INPP4A: variants seen among roughly 807,000 people sequenced by gnomAD.
INPP4A encodes inositol polyphosphate-4-phosphatase, type I, 107kD.
INPP4A carries 33 observed loss-of-function variants against 119.8 expected under a neutral mutation model. That is an observed-to-expected ratio of 0.28 (90% CI 0.21 to 0.37). The LOEUF (loss-of-function observed/expected upper bound fraction) is 0.37, where lower values mean the gene tolerates loss of function less well. INPP4A is among the 10% of genes least tolerant of loss of function. The pLI is 1.00. For synonymous variants in INPP4A, 496 were observed against 500.7 expected, an observed-to-expected ratio of 0.99 and a Z score of 0.12; for missense variants, 956 against 1,289.9, an observed-to-expected ratio of 0.74 and a Z score of 3.97.
At chr2:98,550,918 G>A (rs1413268268) in intron 13 of INPP4A, among the ~76,000 whole-genome samples, 1 of 151,870 alleles carries the variant, frequency 6.6e-6, no homozygotes, top group Admixed American at 6.6e-5. Flanking sequence ...TTTTATATAT[G>A]TACTCTAAAT....
intron 1 of INPP4A, among the ~76,000 whole-genome samples, chr2:98,510,280 G>A (rs1574832019): frequency 6.6e-6 from 1 of 152,278 alleles, no homozygotes; most frequent in East Asian, 1.9e-4. Flanking sequence ...GCAAGTGGAA[G>A]GACAGAACTC....
intron 24 of INPP4A, among the ~76,000 whole-genome samples, chr2:98,577,400 G>A (rs1698611392): frequency 6.6e-6 from 1 of 152,242 alleles, no homozygotes; most frequent in African/African-American, 2.4e-5. Context: ...TAGACTGGTG[G>A]GCAAGCCACG....
intron 1 of INPP4A, among the ~76,000 whole-genome samples, chr2:98,503,539 A>G (rs1683513885): frequency 6.6e-6 from 1 of 152,200 alleles, no homozygotes. Context: ...CTGTAGCAGC[A>G]TGGGGCATGC....
intron 1 of INPP4A, among the ~76,000 whole-genome samples, chr2:98,489,760 G>A (rs1336421198): frequency 6.6e-6 from 1 of 152,128 alleles, no homozygotes; most frequent in African/African-American, 2.4e-5. Context: ...CTATGGAGAG[G>A]TAATTTGTTT....
chr2:98,448,621 G>A (rs1694677322), intron 1 of INPP4A, among the ~76,000 whole-genome samples: 1 of 151,602 alleles, frequency 6.6e-6, no homozygotes, highest in Non-Finnish European at 1.5e-5. Context: ...GTTTCCTGTG[G>A]TTTCATGATT....
rs539642303 is a variant in INPP4A, at chr2:98,560,737, G to A, written c.1855+1242G>A. On this transcript the variant is annotated intron_variant, in intron 17 of 24. Coordinates refer to ENST00000409851, the MANE Select transcript of INPP4A (RefSeq NM_001134225.2). ...TCGGACTGAGCTGGCTGTCGCCTGA[G>A]CCTCAGTGGTGCCCAAGCCTGGGGC... 3.3e-5 allele frequency among the ~76,000 whole-genome samples: 5 copies of A among 152,358 alleles called. No individual in the cohort carries two copies. The East Asian group carries it at 9.6e-4, about 29-fold the overall frequency.
chr2:98,543,794 GCTGTTGTCCTGGGTAGACCTC>G (rs1691973549), intron 10 of INPP4A, 62 bp from the exon 11 acceptor site: 1 of 1,534,648 alleles, frequency 6.5e-7, no homozygotes, highest in Middle Eastern at 1.7e-4. Context: ...CCCTGCAAAT[GCTGTTGTCCTGGGTAGACCTC>G]CTGGGCCTCT....
At chr2:98,523,616 G>T (rs1469770058) in intron 4 of INPP4A, among the ~76,000 whole-genome samples, 3 of 151,966 alleles carry the variant, frequency 2.0e-5, no homozygotes, top group African/African-American at 7.3e-5. Context: ...GGATGGTCTC[G>T]ATCTCCTGAC....
Position 98,496,312 on chromosome 2 carries a change from G to C in INPP4A, c.-165-22652G>C, listed in dbSNP as rs570838043. 2.6e-5 allele frequency among the ~76,000 whole-genome samples: 4 copies of C among 152,194 alleles called. No homozygotes were observed. In the South Asian group the frequency reaches 8.3e-4, roughly 32 times the overall value. On this transcript the variant is annotated intron_variant, in intron 1 of 24. Transcript: ENST00000409851. ...TCCAATAAATGCTGTTGAGAAAATG[G>C]GATATCCACGTACAGAAGAATGAAA...
intron 11 of INPP4A, among the ~76,000 whole-genome samples, chr2:98,544,930 A>G (rs985429999): frequency 1.3e-4 from 20 of 152,244 alleles, no homozygotes; most frequent in Admixed American, 1.3e-3. Context: ...GAAGGAACCA[A>G]GGGACTCACC....
In INPP4A at chr2:98,568,556, C is replaced by T. The variant is rs886594879; in HGVS notation, c.2421-15C>T. ...GACATTAGCCAACTAATGGCATCCC[C>T]TATAACCTCCCAAGGTTTGGCGATA... is the stretch of plus-strand genomic sequence containing the variant. On this transcript the variant is annotated splice_polypyrimidine_tract_variant and intron_variant, in intron 21 of 24. Coordinates refer to ENST00000409851, the MANE Select transcript of INPP4A (RefSeq NM_001134225.2). 9 of 1,490,460 alleles carry T rather than the reference C, an allele frequency of 6.0e-6. No homozygotes were observed. The Admixed American group carries it at 1.1e-4, about 18-fold the overall frequency. 92.3% of individuals were successfully genotyped at this position (1,490,460 alleles called of 1,614,324 possible). A position where few individuals can be genotyped will look rare whatever the true frequency, so the allele number is the denominator to read the frequency against.
Position 98,533,409 on chromosome 2 carries a change from C to A in INPP4A, c.184C>A (p.Arg62=). 6.2e-7 allele frequency: 1 copy of A among 1,613,534 alleles called. No individual in the cohort carries two copies. Among genetic ancestry groups the A allele is most frequent in the Non-Finnish European group, 8.5e-7 (1 of 1,179,702 alleles). The change falls in exon 5 of 25, where the codon CGA becomes AGA. Residue 62 remains arginine (R), a synonymous_variant. Transcript: ENST00000409851. ...TGAGCTGCATACTCCATCGCTAGAT[C>A]GAAAGCCAAATAGTTTTGTTGCGGT... ...CSELHTPSLD[R]KPNSFVAVSV...
chr2:98,556,835 C>T (rs1009435023), intron 16 of INPP4A, among the ~76,000 whole-genome samples: 2 of 152,222 alleles, frequency 1.3e-5, no homozygotes, highest in African/African-American at 2.4e-5. Flanking sequence ...ACTTGAGCCT[C>T]TGTCTCGACA....
rs116987505 is a variant in INPP4A, at chr2:98,571,451, C to T, written c.2519-1364C>T. On this transcript the variant is annotated intron_variant, in intron 22 of 24. Transcript: ENST00000409851. The stretch of plus-strand genomic sequence containing the variant: ...CTGGAGGAGTGGGAGTGGTGAGCGG[C>T]TGCAGTAAGTAGGAAGGGGGAATTT... Among the ~76,000 whole-genome samples, 8 of 152,350 alleles carry T rather than the reference C, an allele frequency of 5.3e-5. No homozygotes were observed. In the East Asian group the frequency reaches 1.5e-3, roughly 29 times the overall value.
chr2:98,561,110 A>G (rs1437061924), intron 17 of INPP4A, among the ~76,000 whole-genome samples: 2 of 152,130 alleles, frequency 1.3e-5, no homozygotes, highest in Non-Finnish European at 2.9e-5. Flanking sequence ...TCCCTCCCCT[A>G]CTGATGAGGG....
At chr2:98,465,632 G>A (rs1029446080) in intron 1 of INPP4A, among the ~76,000 whole-genome samples, 3 of 152,186 alleles carry the variant, frequency 2.0e-5, no homozygotes, top group African/African-American at 7.2e-5. Context: ...GCTTGGGGAG[G>A]CCTAGGGGTG....
intron 23 of INPP4A, among the ~76,000 whole-genome samples, chr2:98,573,268 T>C: frequency 6.6e-6 from 1 of 152,266 alleles, no homozygotes; most frequent in Non-Finnish European, 1.5e-5. Flanking sequence ...GGAGGCCATG[T>C]GACCTTTCAG....
At chr2:98,521,795 C>T (rs533254935) in intron 4 of INPP4A, 1 of 151,614 alleles carries the variant, frequency 6.6e-6, no homozygotes, top group Non-Finnish European at 1.5e-5. Context: ...ACTTACCTGG[C>T]TGTAGTGGCA....
At chr2:98,556,724 C>T (rs1303735796) in intron 16 of INPP4A, among the ~76,000 whole-genome samples, 3 of 152,212 alleles carry the variant, frequency 2.0e-5, no homozygotes, top group Non-Finnish European at 4.4e-5. Flanking sequence ...AAGGTATAAG[C>T]GTGCCTCTTG....
Sources: gnomAD v4.1 joint callset for allele counts (sites outside exome capture counted in the v4.1 genomes callset) on GRCh38, gnomAD v4.1.1 for gene constraint, MANE v1.5 for transcripts, NCBI Gene and HGNC (gene_info 2026-07-23, HGNC 2026-07-21) for gene names.